Variants in KCNIP1 observed in about 807,000 individuals in gnomAD.
KCNIP1 encodes the protein potassium voltage-gated channel interacting protein 1, also known as A-type potassium channel modulatory protein KCNIP1.
Under a neutral mutation model 33.0 loss-of-function variants are expected in KCNIP1, and 18 were observed. The ratio of observed to expected loss-of-function variants is 0.55; its 90% CI spans 0.38 to 0.81. The LOEUF (loss-of-function observed/expected upper bound fraction) is 0.81, where lower values mean the gene tolerates loss of function less well. Among genes scored for constraint, KCNIP1 ranks in the 30% least tolerant of loss-of-function variants. KCNIP1 has a pLI of 0.00. For missense variants in KCNIP1, 238 were observed against 271.6 expected (o/e 0.88, Z 0.87); for synonymous variants, 93 against 98.3 (o/e 0.95, Z 0.32).
chr5:170,661,575 G>A (rs1761487585), intron 1 of KCNIP1, among the ~76,000 whole-genome samples: 1 of 151,968 alleles, frequency 6.6e-6, no homozygotes, highest in African/African-American at 2.4e-5. Flanking sequence ...CCTCCCCTGG[G>A]GCCTTCAGCA....
intron 1 of KCNIP1, among the ~76,000 whole-genome samples, chr5:170,407,284 C>T (rs1160174245): frequency 6.6e-6 from 1 of 152,350 alleles, no homozygotes; most frequent in Non-Finnish European, 1.5e-5. Context: ...ACAAGAAAGA[C>T]AAGGATTGCA....
At chr5:170,448,507 A>T (rs1305386964) in intron 1 of KCNIP1, among the ~76,000 whole-genome samples, 2 of 152,246 alleles carry the variant, frequency 1.3e-5, no homozygotes. Context: ...TGTGGGCTGC[A>T]AGCCCCTTGA....
intron 1 of KCNIP1, among the ~76,000 whole-genome samples, chr5:170,696,691 A>G (rs1317161797): frequency 6.6e-6 from 1 of 152,200 alleles, no homozygotes; most frequent in Non-Finnish European, 1.5e-5. Flanking sequence ...GGCATCTGAC[A>G]TGCAAAGATG....
intron 1 of KCNIP1, among the ~76,000 whole-genome samples, chr5:170,393,339 C>T (rs1581146812): frequency 6.6e-6 from 1 of 152,294 alleles, no homozygotes; most frequent in East Asian, 1.9e-4. Context: ...ATAATAAGTC[C>T]CATAAATCAA....
At chr5:170,391,644 T>G (rs1197120946) in intron 1 of KCNIP1, among the ~76,000 whole-genome samples, 3 of 152,230 alleles carry the variant, frequency 2.0e-5, no homozygotes, top group Non-Finnish European at 2.9e-5. Flanking sequence ...CTTAAGGTAC[T>G]AGCACAATAG....
intron 1 of KCNIP1, among the ~76,000 whole-genome samples, chr5:170,493,728 A>G (rs1263631206): frequency 6.6e-6 from 1 of 152,214 alleles, no homozygotes; most frequent in East Asian, 1.9e-4. Context: ...TTCATCTTTC[A>G]GGACCCTGCT....
At chr5:170,488,829 C>T (rs1757148392) in intron 1 of KCNIP1, among the ~76,000 whole-genome samples, 1 of 152,152 alleles carries the variant, frequency 6.6e-6, no homozygotes, top group African/African-American at 2.4e-5. Flanking sequence ...TGAGCAAATG[C>T]CAGGCCTGCA....
At chr5:170,597,805 ATATATATATATAT>A (rs1411060051) in intron 1 of KCNIP1, among the ~76,000 whole-genome samples, 48 of 2,404 alleles carry the variant, frequency 0.02, 4 homozygotes, top group African/African-American at 0.024. Context: ...ATATATATAT[ATATATATATATAT>A]ATATATATAT....
At chr5:170,438,072 G>A (rs904655771) in intron 1 of KCNIP1, among the ~76,000 whole-genome samples, 2 of 151,958 alleles carry the variant, frequency 1.3e-5, no homozygotes, top group African/African-American at 4.8e-5. Flanking sequence ...TCAAGGCTTG[G>A]AGGACTGGCT....
In KCNIP1 at chr5:170,435,550, C is replaced by T. The variant is rs902652508; in HGVS notation, c.88+81586C>T. On this transcript the variant is annotated intron_variant, in intron 1 of 7. Transcript: ENST00000377360. ...TCACCGGGGCCAAGTGAGCTATTTC[C>T]CCTTGCCATTCTCTCCCAGGAGGAG... 3.9e-5 allele frequency among the ~76,000 whole-genome samples: 6 copies of T among 152,248 alleles called. No homozygotes were observed. The South Asian group carries it at 1.2e-3, about 32-fold the overall frequency.
chr5:170,421,783 C>A (rs1755500568), intron 1 of KCNIP1, among the ~76,000 whole-genome samples: 1 of 152,170 alleles, frequency 6.6e-6, no homozygotes. Context: ...CTTCCTCACT[C>A]AAATTGGGTA....
intron 1 of KCNIP1, among the ~76,000 whole-genome samples, chr5:170,547,208 T>C (rs1257620517): frequency 3.9e-5 from 6 of 152,208 alleles, no homozygotes; most frequent in African/African-American, 1.4e-4. Flanking sequence ...TGATGTTACT[T>C]TCATCTTCTG....
Position 170,504,702 on chromosome 5 carries a change from C to T in KCNIP1, c.61+69C>T. On this transcript the variant is annotated intron_variant, in intron 1 of 7. Transcript: ENST00000328939. This position sits in a 1 kb window ranked among gnomAD's most constrained non-coding sequence, Gnocchi z 6.0. ...GTGCTAGGCGCCGAGGTGGGCTGTG[C>T]CACCTGCCTCCCTTAGTCCGGACTC... 4 of 1,271,118 alleles carry T rather than the reference C, an allele frequency of 3.1e-6. No homozygotes were observed. Among genetic ancestry groups the T allele is most frequent in the South Asian group, 1.2e-5 (1 of 84,266 alleles). 78.7% of individuals were successfully genotyped at this position (1,271,118 alleles called of 1,614,324 possible). A position where few individuals can be genotyped will look rare whatever the true frequency, so the allele number is the denominator to read the frequency against.
intron 1 of KCNIP1, among the ~76,000 whole-genome samples, chr5:170,361,003 C>G (rs1213330650): frequency 6.6e-6 from 1 of 152,222 alleles, no homozygotes; most frequent in Non-Finnish European, 1.5e-5. Context: ...CAGTGACCAG[C>G]CAGAACGACC....
rs148087660 is a variant in KCNIP1, at chr5:170,474,766, G to A, written c.88+120802G>A. On this transcript the variant is annotated intron_variant, in intron 1 of 7. Coordinates refer to the KCNIP1 transcript ENST00000377360. ...GTTGTGTCCGTGGGTCTGTGGTCTC[G>A]CTGACTTCAAGAATGAAGCCACCAG... 3.5e-3 allele frequency among the ~76,000 whole-genome samples: 537 copies of A among 152,222 alleles called. 2 individuals are homozygous for A. The highest frequency in any genetic ancestry group is 0.012 in the African/African-American group (487 of 41,530).
intron 1 of KCNIP1, among the ~76,000 whole-genome samples, chr5:170,656,908 A>G (rs1335693859): frequency 6.6e-6 from 1 of 151,652 alleles, no homozygotes; most frequent in African/African-American, 2.4e-5. Context: ...ACCCGTCCCC[A>G]TGCTCAGCAC....
rs568997390 is a variant in KCNIP1, at chr5:170,603,567, G to A, written c.61+98934G>A. ...GGCTACACATGTGACAAGATAGGCT[G>A]TGCACAGGGGTCTGAGCAGGACCCT... On this transcript the variant is annotated intron_variant, in intron 1 of 7. Transcript: ENST00000328939. Among the ~76,000 whole-genome samples, 9 of 152,326 alleles carry A rather than the reference G, an allele frequency of 5.9e-5. No homozygotes were observed. In the East Asian group the frequency reaches 1.2e-3, roughly 20 times the overall value.
chr5:170,531,811 G>C (rs11960505), intron 1 of KCNIP1, among the ~76,000 whole-genome samples: 34,106 of 120,726 alleles, frequency 0.28, 5,167 homozygotes, highest in African/African-American at 0.48. Flanking sequence ...CCTGTCCTAA[G>C]CCCCACCCTT....
chr5:170,603,200 G>A (rs1758766810), intron 1 of KCNIP1, among the ~76,000 whole-genome samples: 1 of 152,240 alleles, frequency 6.6e-6, no homozygotes, highest in African/African-American at 2.4e-5. Context: ...CCGTTGCTTG[G>A]CAACCTGGCT....
Sources: allele counts gnomAD v4.1 joint callset (sites outside exome capture counted in the v4.1 genomes callset), GRCh38; gene constraint gnomAD v4.1.1; non-coding constraint Gnocchi (gnomAD v3.1); transcripts MANE v1.5; gene names NCBI Gene and HGNC (gene_info 2026-07-23, HGNC 2026-07-21).